MAK: variants seen among roughly 807,000 people sequenced by gnomAD.
MAK encodes serine/threonine-protein kinase MAK.
A neutral mutation model predicts 82.6 loss-of-function variants in MAK; 65 were observed. The ratio of observed to expected loss-of-function variants is 0.79; its 90% confidence interval spans 0.64 to 0.97. The LOEUF (loss-of-function observed/expected upper bound fraction) is 0.97. Ranked by LOEUF, MAK falls within the 50% of genes least tolerant of loss-of-function variation. The pLI is 0.00. For synonymous variants in MAK, 250 were observed against 274.2 expected (o/e 0.91, Z 0.87); for missense variants, 703 against 780.2 (o/e 0.90, Z 1.18).
At chr6:10,816,357 T>A (rs1777503772) in intron 4 of MAK, among the ~76,000 whole-genome samples, 1 of 152,148 alleles carries the variant, frequency 6.6e-6, no homozygotes, top group Non-Finnish European at 1.5e-5. Context: ...AGGCAGGAAC[T>A]ACCACATCCA....
At chr6:10,784,662 T>TCGCCCA (rs374889861) in intron 10 of MAK, 90 bp from the exon 11 acceptor site, 4,032 of 1,177,664 alleles carry the variant, frequency 3.4e-3, no homozygotes, top group Non-Finnish European at 4.3e-3. Context: ...TCTGCACATC[T>TCGCCCA]TCCTAAGCCA....
At position 10,762,889 on chromosome 6, in the gene MAK, C is replaced by T. The variant is rs886060925; in HGVS notation, c.*1563G>A. 1.3e-5 allele frequency: 2 copies of T among 152,546 alleles called. No homozygotes were observed. Among genetic ancestry groups the T allele is most frequent in the Non-Finnish European group, 2.9e-5 (2 of 68,012 alleles). 9.4% of individuals were successfully genotyped at this position (152,546 alleles called of 1,614,324 possible). ...CATTTTTCAACATCTTACATCTGAA[C>T]AGTTGACTCTTCTATACAAAAATAT... On this transcript the variant is annotated 3_prime_UTR_variant, in exon 15 of 15. Coordinates refer to ENST00000354489, the MANE Select transcript of MAK (RefSeq NM_001242957.3).
In MAK at chr6:10,775,425, AC is replaced by A. The variant is rs774717726; in HGVS notation, c.1499del (p.Ser500MetfsTer5). The A allele has an allele frequency of 6.2e-7, 1 of 1,613,858 alleles. No homozygotes were observed. The highest frequency in any genetic ancestry group is 8.5e-7 in the Non-Finnish European group (1 of 1,179,808). Reference sequence around the variant, plus strand: ...AAGTGTGGGGGTTTATTTCCTTTCCACTGGCTATCAAGGACACCTTCTTGGG... The same window carrying A: ...AAGTGTGGGGGTTTATTTCCTTTCCATGGCTATCAAGGACACCTTCTTGGG... ...VNPKKVSLIA[S>X]GKEINPHTWS... On this transcript the variant is annotated frameshift_variant, in exon 12 of 15. Coordinates refer to ENST00000354489, the MANE Select transcript of MAK (RefSeq NM_001242957.3). LOFTEE classifies it high-confidence loss of function.
At chr6:10,773,772 A>G (rs559031441) in intron 12 of MAK, among the ~76,000 whole-genome samples, 1 of 149,312 alleles carries the variant, frequency 6.7e-6, no homozygotes, top group African/African-American at 2.5e-5. Context: ...GCTCACTGCA[A>G]CCTCCACTTC....
chr6:10,794,523 T>C (rs1775347616), intron 9 of MAK, among the ~76,000 whole-genome samples: 1 of 152,186 alleles, frequency 6.6e-6, no homozygotes, highest in African/African-American at 2.4e-5. Context: ...AGTTGGGGAC[T>C]GGAAGGAAAT....
At chr6:10,787,570 A>T (rs1204597574) in intron 10 of MAK, among the ~76,000 whole-genome samples, 1 of 152,212 alleles carries the variant, frequency 6.6e-6, no homozygotes, top group Non-Finnish European at 1.5e-5. Context: ...AAAAATGTAG[A>T]AGAAATGGCT....
intron 7 of MAK, chr6:10,802,317 T>C (rs1467464099): frequency 4.8e-6 from 2 of 414,084 alleles, no homozygotes; most frequent in African/African-American, 4.1e-5. Context: ...TTTTTTGTGT[T>C]TTTTTTGAGA....
chr6:10,775,345 AAAGC>A lies in MAK; in HGVS notation c.1576_1579del (p.Ala526SerfsTer10), dbSNP rs1773373074. ...TGCGTTACCTGCATTGCTCCTTTTGAAAGCAAGTTCTGCCCCAACGGGTCCCAGT... is the reference window on the plus strand; with the variant it reads ...TGCGTTACCTGCATTGCTCCTTTTGAAAGTTCTGCCCCAACGGGTCCCAGT... On this transcript the variant is annotated frameshift_variant, in exon 12 of 15. Transcript: ENST00000354489. LOFTEE classifies it high-confidence loss of function. The A allele has an allele frequency of 6.2e-7, 1 of 1,613,620 alleles. No individual in the cohort carries two copies. The highest frequency in any genetic ancestry group is 1.7e-5 in the Admixed American group (1 of 59,982).
intron 10 of MAK, among the ~76,000 whole-genome samples, chr6:10,790,874 G>A (rs1325875886): frequency 2.6e-5 from 4 of 152,112 alleles, no homozygotes; most frequent in Admixed American, 1.3e-4. Context: ...CTATCCTTGC[G>A]GTAACGAGTG....
intron 10 of MAK, among the ~76,000 whole-genome samples, chr6:10,790,914 G>C (rs564852903): frequency 6.6e-6 from 1 of 152,302 alleles, no homozygotes; most frequent in African/African-American, 2.4e-5. Flanking sequence ...TGCAAGACTT[G>C]ATCGTTTAAA....
chr6:10,771,160 G>A (rs1354681165), intron 13 of MAK, among the ~76,000 whole-genome samples: 1 of 152,112 alleles, frequency 6.6e-6, no homozygotes, highest in African/African-American at 2.4e-5. Context: ...TTACAGAGTT[G>A]TGGGCTGAAG....
At position 10,796,216 on chromosome 6, in the gene MAK, G is replaced by A; in HGVS notation, c.925C>T (p.Pro309Ser). 1 of 1,614,172 alleles carries A rather than the reference G, an allele frequency of 6.2e-7. No individual in the cohort carries two copies. The highest frequency in any genetic ancestry group is 1.1e-5 in the South Asian group (1 of 91,086). The change falls in exon 9 of 15, where the codon CCA becomes TCA. Residue 309 changes from proline to serine, a missense_variant. Pro to Ser is a moderately conservative substitution (Grantham distance 74, BLOSUM62 -1). Coordinates refer to ENST00000354489, the MANE Select transcript of MAK (RefSeq NM_001242957.3). ...ACTAAAGATGGCTTTGATTCTAATGGTTGCAGCTGCTTATTTAAAGACTGT... is the reference window on the plus strand; with the variant it reads ...ACTAAAGATGGCTTTGATTCTAATGATTGCAGCTGCTTATTTAAAGACTGT... ...SKQSLNKQLQ[P>S]LESKPSLVEV...
intron 2 of MAK, among the ~76,000 whole-genome samples, chr6:10,822,056 AGAATGGCGT>A: frequency 6.7e-6 from 1 of 148,920 alleles, no homozygotes. Flanking sequence ...CTGAGGCAGG[AGAATGGCGT>A]GAACTCGGGA....
intron 10 of MAK, among the ~76,000 whole-genome samples, chr6:10,787,441 T>G (rs376554340): frequency 6.6e-6 from 1 of 152,324 alleles, no homozygotes; most frequent in East Asian, 1.9e-4. Context: ...TACTGAAGTA[T>G]GAAAATTATA....
Position 10,764,455 on chromosome 6 carries a change from C to T in MAK, c.1944G>A (p.Arg648=). ...TAGGGTTTCACACCATAGACTCCTA[C>T]CGGTGGCCTCCATACTTGGCCACCC... ...TDWVAKYGGH[R] The change falls in exon 15 of 15, where the codon CGG becomes CGA. Residue 648 remains arginine (R), a synonymous_variant. Transcript: ENST00000354489. 6.2e-7 allele frequency: 1 copy of T among 1,613,964 alleles called. No individual in the cohort carries two copies. Among genetic ancestry groups the T allele is most frequent in the Non-Finnish European group, 8.5e-7 (1 of 1,179,940 alleles).
rs778887978 is a variant in MAK at position 10,793,734 on chromosome 6, G to A, written c.1144-1887C>T. On this transcript the variant is annotated intron_variant, in intron 9 of 14. Coordinates refer to ENST00000354489, the MANE Select transcript of MAK (RefSeq NM_001242957.3). The surrounding 1 kb of genome is among the most constrained non-coding windows in gnomAD (Gnocchi z 4.6). ...TTAGAGAATGCACACAGCGTCCCTC[G>A]CATATGCATGGCACTTGGAAGCTAC... Among the ~76,000 whole-genome samples the A allele has an allele frequency of 5.3e-5, 8 of 152,128 alleles. No homozygotes were observed. Among genetic ancestry groups the A allele is most frequent in the Non-Finnish European group, 1.2e-4 (8 of 68,030 alleles).
intron 2 of MAK, among the ~76,000 whole-genome samples, chr6:10,821,423 G>A (rs1191100029): frequency 6.6e-6 from 1 of 152,000 alleles, no homozygotes; most frequent in Non-Finnish European, 1.5e-5. Flanking sequence ...TGACAGGTGT[G>A]TGCCACCAAG....
At chr6:10,817,649 GA>G (rs1561993770) in intron 4 of MAK, among the ~76,000 whole-genome samples, 200 bp downstream of exon 4, 1 of 152,110 alleles carries the variant, frequency 6.6e-6, no homozygotes, top group Non-Finnish European at 1.5e-5. Flanking sequence ...CACTTTCAAG[GA>G]TTTACAACAG....
rs188891430 is a variant in MAK at position 10,776,083 on chromosome 6, C to T, written c.1466-624G>A. On this transcript the variant is annotated intron_variant, in intron 11 of 14. Coordinates refer to ENST00000354489, the MANE Select transcript of MAK (RefSeq NM_001242957.3). This position sits in a 1 kb window ranked among gnomAD's most constrained non-coding sequence, Gnocchi z 4.3. The stretch of plus-strand genomic sequence containing the variant: ...GATTACAGGTGTAAGCCACCACACC[C>T]GACCCAACATGACATTTTCATGTCA... 1.7e-3 allele frequency among the ~76,000 whole-genome samples: 253 copies of T among 152,242 alleles called. No homozygotes were observed. The highest frequency in any genetic ancestry group is 6.8e-3 in the Middle Eastern group (2 of 294).
Sources: gnomAD v4.1 joint callset for allele counts (sites outside exome capture counted in the v4.1 genomes callset) on GRCh38, gnomAD v4.1.1 for gene constraint, Gnocchi (gnomAD v3.1) non-coding constraint, MANE v1.5 for transcripts, NCBI Gene and HGNC (gene_info 2026-07-23, HGNC 2026-07-21) for gene names.